The following JHY variants were observed in gnomAD, a reference collection of about 807,000 sequenced individuals.
The protein encoded by JHY is junctional cadherin complex regulator.
A neutral mutation model predicts 78.0 loss-of-function variants in JHY; 69 were observed. The observed-to-expected ratio is 0.88, with a 90% CI of 0.73 to 1.08. JHY has a LOEUF of 1.08. Ranked by LOEUF, JHY falls within the 50% of genes least tolerant of loss-of-function variation. The pLI, the probability that JHY is intolerant of heterozygous loss-of-function variation, is 0.00. For synonymous variants in JHY, 368 were observed against 342.6 expected, an observed-to-expected ratio of 1.07 and a Z score of -0.82; for missense variants, 944 against 927.8, an observed-to-expected ratio of 1.02 and a Z score of -0.23.
chr11:122,962,809 A>G lies in JHY; in HGVS notation c.*3364A>G, dbSNP rs73606751. 0.12 allele frequency among the ~76,000 whole-genome samples: 18,038 copies of G among 152,168 alleles called. 1,093 individuals carry two copies. The highest frequency in any genetic ancestry group is 0.19 in the East Asian group (980 of 5,176). On this transcript the variant is annotated 3_prime_UTR_variant, in exon 9 of 9. Transcript: ENST00000227349. ...CAGAAGATGAAATGGAGGTGAAGAG[A>G]AAGGTTACATGACTCGGAAGTCCAT...
At chr11:122,954,635 C>T (rs967031956) in intron 6 of JHY, among the ~76,000 whole-genome samples, 3 of 152,092 alleles carry the variant, frequency 2.0e-5, no homozygotes, top group African/African-American at 7.2e-5. Flanking sequence ...AACAGGAGCA[C>T]AGCTGGTCGC....
At chr11:122,900,710 C>T (rs1267663928) in intron 2 of JHY, among the ~76,000 whole-genome samples, 1 of 152,094 alleles carries the variant, frequency 6.6e-6, no homozygotes, top group Non-Finnish European at 1.5e-5. Context: ...GACCTATCGA[C>T]TGAGCTTCGT....
At chr11:122,932,568 C>A (rs1228385101) in intron 4 of JHY, among the ~76,000 whole-genome samples, 1 of 152,030 alleles carries the variant, frequency 6.6e-6, no homozygotes. Flanking sequence ...ACTTCTCTAG[C>A]GAGTTAAAGG....
At chr11:122,945,264 T>C (rs1471143336) in intron 5 of JHY, among the ~76,000 whole-genome samples, 1 of 152,242 alleles carries the variant, frequency 6.6e-6, no homozygotes, top group Non-Finnish European at 1.5e-5. Flanking sequence ...CAACATATGC[T>C]CTTTAATGTA....
At chr11:122,930,112 G>C (rs552721514) in intron 4 of JHY, among the ~76,000 whole-genome samples, 1 of 152,298 alleles carries the variant, frequency 6.6e-6, no homozygotes, top group South Asian at 2.1e-4. Context: ...AAAGGGTCTT[G>C]CTCTATCACC....
intron 4 of JHY, among the ~76,000 whole-genome samples, chr11:122,930,479 C>T (rs1181418865): frequency 1.3e-5 from 2 of 152,028 alleles, no homozygotes; most frequent in South Asian, 2.1e-4. Flanking sequence ...CTAGAAAGAA[C>T]GAGAAACCAG....
rs1167935925 is a variant in JHY at position 122,962,983 on chromosome 11, T to C, written c.*3538T>C. On this transcript the variant is annotated 3_prime_UTR_variant, in exon 9 of 9. Transcript: ENST00000227349. ...ACATATAGTTGCTATGAATTTCTATTTTGGACCTGAATTTCCACCAAGTTC... is the reference window on the plus strand; with the variant it reads ...ACATATAGTTGCTATGAATTTCTATCTTGGACCTGAATTTCCACCAAGTTC... Among the ~76,000 whole-genome samples the C allele has an allele frequency of 1.3e-5, 2 of 152,270 alleles. No homozygotes were observed. The highest frequency in any genetic ancestry group is 2.1e-4 in the South Asian group (1 of 4,826).
At chr11:122,913,946 G>A (rs1045079145) in intron 3 of JHY, among the ~76,000 whole-genome samples, 3 of 152,166 alleles carry the variant, frequency 2.0e-5, no homozygotes, top group African/African-American at 7.2e-5. Context: ...ATAAAAAAGC[G>A]GAGGGGGATT....
At chr11:122,959,150 G>A in intron 8 of JHY, 98 bp from the exon 9 acceptor site, 3 of 1,420,222 alleles carry the variant, frequency 2.1e-6, no homozygotes, top group Non-Finnish European at 2.8e-6. Flanking sequence ...TATAGTGATA[G>A]TCTCCATTTA....
At position 122,959,543 on chromosome 11, in the gene JHY, T is replaced by G. The variant is rs1057703; in HGVS notation, c.*98T>G. The G allele has an allele frequency of 0.16, 184,668 of 1,119,976 alleles. 16,001 individuals carry two copies. The highest frequency in any genetic ancestry group is 0.28 in the African/African-American group (17,621 of 63,366). The allele number at this position is 1,119,976 out of a possible 1,614,324, so 69.4% of individuals were successfully genotyped here. On this transcript the variant is annotated 3_prime_UTR_variant, in exon 9 of 9. Transcript: ENST00000227349. ...CTCTGCGTTGAGAGTAATGGCCTATTATTATCATCTATCTGCCGTCCATGT... is the reference window on the plus strand; with the variant it reads ...CTCTGCGTTGAGAGTAATGGCCTATGATTATCATCTATCTGCCGTCCATGT...
chr11:122,904,183 G>C lies in JHY; in HGVS notation c.603G>C (p.Glu201Asp). 1 of 1,614,192 alleles carries C rather than the reference G, an allele frequency of 6.2e-7. No homozygotes were observed. Among genetic ancestry groups the C allele is most frequent in the Non-Finnish European group, 8.5e-7 (1 of 1,180,028 alleles). The change falls in exon 3 of 9, where the codon GAG becomes GAC. Residue 201 changes from glutamate (E) to aspartate (D), a missense_variant. Transcript: ENST00000227349. Reference sequence around the variant, plus strand: ...GTGAATTTTTAAGCCCAAACTATGAGCATGGTGCCCGTCGCAGCAAGCCGT... The same window carrying C: ...GTGAATTTTTAAGCCCAAACTATGACCATGGTGCCCGTCGCAGCAAGCCGT... ...LGSEFLSPNY[E>D]HGARRSKPFS...
At chr11:122,954,894 C>T (rs1349445683) in intron 6 of JHY, among the ~76,000 whole-genome samples, 4 of 152,128 alleles carry the variant, frequency 2.6e-5, no homozygotes, top group Non-Finnish European at 4.4e-5. Context: ...GACTAACATC[C>T]ACAGTTAGGT....
At position 122,946,653 on chromosome 11, in the gene JHY, T is replaced by C. The variant is rs758026538; in HGVS notation, c.1790T>C (p.Leu597Pro). The C allele has an allele frequency of 3.9e-5, 63 of 1,613,982 alleles. No individual in the cohort carries two copies. The South Asian group carries it at 5.2e-4, about 13-fold the overall frequency. Residue 597 changes from leucine to proline, a missense_variant, in exon 6 of 9, where the codon CTG (leucine) becomes CCG (proline). Transcript: ENST00000227349. The stretch of plus-strand genomic sequence containing the variant: ...TCCAGCGTCACGCTTCCACCTATAC[T>C]GTCAAGGGTAGAAAGTGAATCCCAA... ...ALSSVTLPPI[L>P]SRVESESQLS...
intron 2 of JHY, among the ~76,000 whole-genome samples, chr11:122,893,282 T>C (rs1862664792): frequency 6.6e-6 from 1 of 152,212 alleles, no homozygotes; most frequent in Non-Finnish European, 1.5e-5. Flanking sequence ...AACTATGCTT[T>C]AGTTAAACCC....
chr11:122,899,498 T>C (rs1862802798), intron 2 of JHY, among the ~76,000 whole-genome samples: 2 of 152,230 alleles, frequency 1.3e-5, no homozygotes, highest in South Asian at 4.1e-4. Flanking sequence ...TTATTACTAT[T>C]GATTTTTAAA....
intron 3 of JHY, among the ~76,000 whole-genome samples, chr11:122,920,420 T>C (rs1426458562): frequency 6.6e-6 from 1 of 152,172 alleles, no homozygotes; most frequent in Non-Finnish European, 1.5e-5. Context: ...AAGGTCAGTA[T>C]TAAAAACAGA....
At chr11:122,925,921 G>A (rs12272154) in intron 4 of JHY, among the ~76,000 whole-genome samples, 70 of 152,152 alleles carry the variant, frequency 4.6e-4, no homozygotes, top group African/African-American at 1.7e-3. Flanking sequence ...GGAGGCTGAG[G>A]CAGGAGAATC....
At chr11:122,910,105 G>A (rs1167713302) in intron 3 of JHY, among the ~76,000 whole-genome samples, 3 of 152,130 alleles carry the variant, frequency 2.0e-5, no homozygotes, top group East Asian at 3.9e-4. Flanking sequence ...AAAAAATAAG[G>A]ACACTTTCCA....
intron 2 of JHY, among the ~76,000 whole-genome samples, chr11:122,895,704 T>G (rs1344291379): frequency 6.6e-6 from 1 of 152,238 alleles, no homozygotes; most frequent in Non-Finnish European, 1.5e-5. Context: ...ACTCATTTTC[T>G]GTGTAACCTT....
Sources: gnomAD v4.1 joint callset for allele counts (sites outside exome capture counted in the v4.1 genomes callset) on GRCh38, gnomAD v4.1.1 for gene constraint, MANE v1.5 for transcripts, NCBI Gene and HGNC (gene_info 2026-07-23, HGNC 2026-07-21) for gene names.